The following TPRG1 variants were observed in gnomAD, a reference collection of about 807,000 sequenced individuals.
TPRG1 encodes tumor protein p63-regulated gene 1 protein.
In TPRG1, 29 loss-of-function variants were observed where a neutral mutation model predicts 29.3. The observed-to-expected ratio is 0.99, with a 90% CI of 0.74 to 1.35. The LOEUF (loss-of-function observed/expected upper bound fraction) is 1.35. Ranked by LOEUF, TPRG1 falls within the 40% of genes most tolerant of loss-of-function variation. The pLI, the probability that TPRG1 is intolerant of heterozygous loss-of-function variation, is 0.00. For missense variants in TPRG1, 327 were observed against 335.0 expected (o/e 0.98, Z 0.19); for synonymous variants, 130 against 116.8 (o/e 1.11, Z -0.73).
chr3:189,262,026 A>G (rs1314385006), intron 4 of TPRG1, among the ~76,000 whole-genome samples: 1 of 152,112 alleles, frequency 6.6e-6, no homozygotes, highest in Non-Finnish European at 1.5e-5. Context: ...GAAATGATTG[A>G]CATTTTGCCT....
chr3:189,244,151 C>G (rs111632685), intron 4 of TPRG1, among the ~76,000 whole-genome samples: 1 of 152,036 alleles, frequency 6.6e-6, no homozygotes, highest in Non-Finnish European at 1.5e-5. Context: ...AGAGGTTTGC[C>G]GTGTGCAATG....
rs190602040 is a variant in TPRG1 at position 189,287,687 on chromosome 3, A to G, written c.480-22699A>G. On this transcript the variant is annotated intron_variant, in intron 4 of 5. Coordinates refer to ENST00000345063, the MANE Select transcript of TPRG1 (RefSeq NM_198485.4). ...GCTGGGATTACAGGCGTGAGCCACC[A>G]TGCCCAGCCTACTTGTTTCTTTAAA... Among the ~76,000 whole-genome samples, 26 of 152,258 alleles carry G rather than the reference A, an allele frequency of 1.7e-4. No individual in the cohort carries two copies. In the East Asian group the frequency reaches 5.0e-3, roughly 29 times the overall value.
At chr3:188,999,052 G>A (rs905000596) in intron 1 of TPRG1, among the ~76,000 whole-genome samples, 5 of 152,146 alleles carry the variant, frequency 3.3e-5, no homozygotes, top group Admixed American at 6.5e-5. Context: ...CAATTATTAT[G>A]TATCAATAAA....
At chr3:189,279,529 A>G (rs985689352) in intron 4 of TPRG1, among the ~76,000 whole-genome samples, 4 of 152,188 alleles carry the variant, frequency 2.6e-5, no homozygotes, top group Non-Finnish European at 4.4e-5. Flanking sequence ...AAATTATTCA[A>G]TCTCTCTAAA....
intron 3 of TPRG1, among the ~76,000 whole-genome samples, chr3:189,022,514 G>A (rs1211592452): frequency 4.0e-5 from 6 of 150,890 alleles, no homozygotes; most frequent in East Asian, 3.9e-4. Flanking sequence ...GTGTGCCCCT[G>A]CTGGGGGGTG....
chr3:189,131,890 G>A (rs577589807), intron 2 of TPRG1, among the ~76,000 whole-genome samples: 7 of 152,246 alleles, frequency 4.6e-5, no homozygotes, highest in South Asian at 2.1e-4. Context: ...TAAAGCCAAC[G>A]TTTAGCCAAT....
intron 4 of TPRG1, among the ~76,000 whole-genome samples, chr3:189,258,667 T>G (rs1167124272): frequency 1.3e-5 from 2 of 152,142 alleles, no homozygotes; most frequent in East Asian, 1.9e-4. Context: ...AGCCCCTGAT[T>G]GGGGCTGCTG....
rs1724425068 is a variant in TPRG1, at chr3:189,322,732, C to T, written c.*1912C>T. On this transcript the variant is annotated 3_prime_UTR_variant, in exon 6 of 6. Coordinates refer to ENST00000345063, the MANE Select transcript of TPRG1 (RefSeq NM_198485.4). ...TCGACTTCTCTCTGCACATTTGCCCCCTTTGTAACCTAAGCCAGACTGTTC... is the reference window on the plus strand; with the variant it reads ...TCGACTTCTCTCTGCACATTTGCCCTCTTTGTAACCTAAGCCAGACTGTTC... The T allele has an allele frequency of 6.6e-6, 1 of 152,388 alleles. No homozygotes were observed. Among genetic ancestry groups the T allele is most frequent in the African/African-American group, 2.4e-5 (1 of 41,408 alleles). The allele number at this position is 152,388 out of a possible 1,614,324, so 9.4% of individuals were successfully genotyped here.
chr3:189,128,037 C>T (rs958564486), intron 2 of TPRG1, among the ~76,000 whole-genome samples: 11 of 152,152 alleles, frequency 7.2e-5, no homozygotes, highest in African/African-American at 1.9e-4. Context: ...TTGATCTTTC[C>T]TCACAGCTTA....
intron 2 of TPRG1, among the ~76,000 whole-genome samples, chr3:189,002,427 T>A (rs1712074626): frequency 6.6e-6 from 1 of 152,148 alleles, no homozygotes; most frequent in Non-Finnish European, 1.5e-5. Context: ...AAAAATCTGA[T>A]GCCATAGACA....
At chr3:189,001,074 C>T (rs1162381768) in intron 2 of TPRG1, among the ~76,000 whole-genome samples, 1 of 152,064 alleles carries the variant, frequency 6.6e-6, no homozygotes, top group African/African-American at 2.4e-5. Flanking sequence ...AATTATTCCT[C>T]ACTTCAAAAT....
At chr3:189,183,222 C>T (rs184926575) in intron 1 of TPRG1, among the ~76,000 whole-genome samples, 37 of 152,138 alleles carry the variant, frequency 2.4e-4, no homozygotes, top group African/African-American at 7.5e-4. Flanking sequence ...CATGATGCCC[C>T]GCAAGCCACA....
chr3:189,092,521 T>C (rs1174307885), intron 4 of TPRG1, among the ~76,000 whole-genome samples: 1 of 151,936 alleles, frequency 6.6e-6, no homozygotes, highest in Non-Finnish European at 1.5e-5. Context: ...GGTCTGTGGC[T>C]TCTCGCTTCC....
At chr3:189,073,008 T>G (rs1472682437) in intron 4 of TPRG1, among the ~76,000 whole-genome samples, 2 of 152,180 alleles carry the variant, frequency 1.3e-5, no homozygotes, top group African/African-American at 2.4e-5. Context: ...ATGATGATCT[T>G]ATCTTGTGCT....
At chr3:189,148,760 G>A (rs891526587) in intron 4 of TPRG1, among the ~76,000 whole-genome samples, 1 of 152,190 alleles carries the variant, frequency 6.6e-6, no homozygotes, top group Non-Finnish European at 1.5e-5. Flanking sequence ...CGGTACACAC[G>A]CTTTTCAAAC....
chr3:189,176,122 T>C (rs1175592963), intron 1 of TPRG1, among the ~76,000 whole-genome samples: 1 of 152,194 alleles, frequency 6.6e-6, no homozygotes. Context: ...CAATATTTAA[T>C]ATTTACACAA....
chr3:189,289,890 C>T (rs1265846213), intron 4 of TPRG1, among the ~76,000 whole-genome samples: 1 of 152,144 alleles, frequency 6.6e-6, no homozygotes, highest in African/African-American at 2.4e-5. Context: ...GTTATAGCTA[C>T]TACAAGAAGC....
intron 1 of TPRG1, among the ~76,000 whole-genome samples, chr3:189,185,477 C>G (rs746780169): frequency 6.6e-6 from 1 of 152,150 alleles, no homozygotes; most frequent in Admixed American, 6.6e-5. Context: ...CCCCCAATCT[C>G]GGCCTCCCAA....
rs562851722 is a variant in TPRG1, at chr3:189,288,965, T to C, written c.480-21421T>C. On this transcript the variant is annotated intron_variant, in intron 4 of 5. Transcript: ENST00000345063. ...TGAGCCTTTCCTCCCCAAAAGCATT[T>C]ATGGAAAATTTTATAATCATGTGTC... 1.1e-4 allele frequency among the ~76,000 whole-genome samples: 17 copies of C among 152,262 alleles called. No individual in the cohort carries two copies. In the East Asian group the frequency reaches 3.3e-3, roughly 29 times the overall value.
Sources: allele counts gnomAD v4.1 joint callset (sites outside exome capture counted in the v4.1 genomes callset), GRCh38; gene constraint gnomAD v4.1.1; transcripts MANE v1.5; gene names NCBI Gene and HGNC (gene_info 2026-07-23, HGNC 2026-07-21).